CRISPLD2: variants seen among roughly 807,000 people sequenced by gnomAD.
CRISPLD2 encodes the protein cysteine rich secretory protein LCCL domain containing 2.
In CRISPLD2, 47 loss-of-function variants were observed where a neutral mutation model predicts 71.1. The ratio of observed to expected loss-of-function variants is 0.66; its 90% CI spans 0.52 to 0.84. The LOEUF (loss-of-function observed/expected upper bound fraction) is 0.84. Among genes scored for constraint, CRISPLD2 ranks in the 40% least tolerant of loss-of-function variants. CRISPLD2 has a pLI of 0.00. For missense variants in CRISPLD2, 830 were observed against 651.1 expected (o/e 1.27, Z -2.99); for synonymous variants, 317 against 250.1 (o/e 1.27, Z -2.52).
chr16:84,868,717 C>T (rs1027524244), intron 7 of CRISPLD2, 134 bp from the exon 8 acceptor site: 3 of 728,992 alleles, frequency 4.1e-6, no homozygotes, highest in Non-Finnish European at 7.1e-6. Context: ...CTGCAACCAT[C>T]AGGCATTGCC....
At chr16:84,888,596 A>C (rs1281248359) in intron 13 of CRISPLD2, among the ~76,000 whole-genome samples, 1 of 152,212 alleles carries the variant, frequency 6.6e-6, no homozygotes, top group African/African-American at 2.4e-5. Flanking sequence ...TCTACATGGC[A>C]TGAATGGCCC....
intron 10 of CRISPLD2, 28 bp from the exon 11 acceptor site, chr16:84,873,892 C>A: frequency 3.6e-6 from 5 of 1,382,266 alleles, no homozygotes; most frequent in African/African-American, 1.8e-5. Context: ...ACCTAATGCC[C>A]GTTTTTTTTT....
intron 6 of CRISPLD2, among the ~76,000 whole-genome samples, chr16:84,856,909 A>G (rs1214570646): frequency 2.0e-5 from 3 of 152,236 alleles, no homozygotes; most frequent in Non-Finnish European, 4.4e-5. Context: ...TGGATATGGC[A>G]TTCTGTGAGT....
At chr16:84,835,966 A>C (rs1031360690) in intron 1 of CRISPLD2, among the ~76,000 whole-genome samples, 8 of 152,146 alleles carry the variant, frequency 5.3e-5, no homozygotes, top group Non-Finnish European at 1.0e-4. Context: ...GACAATCCAA[A>C]ATCCGAAATG....
At chr16:84,900,280 G>T (rs1185415600) in intron 14 of CRISPLD2, among the ~76,000 whole-genome samples, 1 of 152,066 alleles carries the variant, frequency 6.6e-6, no homozygotes, top group African/African-American at 2.4e-5. Flanking sequence ...ATTCCAAGCG[G>T]CCTGCTCTCG....
chr16:84,845,638 C>G (rs578059739), intron 2 of CRISPLD2, 148 bp from the exon 3 acceptor site: 127 of 644,288 alleles, frequency 2.0e-4, no homozygotes, highest in African/African-American at 1.5e-3. Context: ...GCCACGCCCC[C>G]CTGGCTGATT....
intron 1 of CRISPLD2, among the ~76,000 whole-genome samples, chr16:84,823,702 C>G (rs16938): frequency 2.0e-5 from 3 of 152,066 alleles, no homozygotes; most frequent in African/African-American, 7.3e-5. Context: ...ATGGTCCAGC[C>G]CGAGGGAGAT....
chr16:84,899,803 T>A (rs1304509526), intron 14 of CRISPLD2, among the ~76,000 whole-genome samples: 1 of 152,134 alleles, frequency 6.6e-6, no homozygotes, highest in East Asian at 1.9e-4. Flanking sequence ...CCTTGGTTGT[T>A]TGGGGCCCTG....
At chr16:84,831,620 G>T (rs1363471178) in intron 1 of CRISPLD2, among the ~76,000 whole-genome samples, 2 of 151,482 alleles carry the variant, frequency 1.3e-5, no homozygotes, top group Non-Finnish European at 2.9e-5. Flanking sequence ...TTCCCAGGCT[G>T]GTCTCAAACT....
intron 1 of CRISPLD2, among the ~76,000 whole-genome samples, chr16:84,830,964 C>T (rs1916473652): frequency 6.6e-6 from 1 of 152,216 alleles, no homozygotes; most frequent in Non-Finnish European, 1.5e-5. Flanking sequence ...TTGGCAAACA[C>T]CGCAAGGCAG....
chr16:84,878,611 T>C (rs1567698888), intron 12 of CRISPLD2, among the ~76,000 whole-genome samples: 1 of 152,058 alleles, frequency 6.6e-6, no homozygotes. Flanking sequence ...CCCAAATGAG[T>C]GGTCCACGGA....
rs190661102 is a variant in CRISPLD2, at chr16:84,890,395, A to C, written c.1439+1032A>C. Among the ~76,000 whole-genome samples, 561 of 151,812 alleles carry C rather than the reference A, an allele frequency of 3.7e-3. 5 individuals carry two copies. Among genetic ancestry groups the C allele is most frequent in the African/African-American group, 0.013 (543 of 41,392 alleles). On this transcript the variant is annotated intron_variant, in intron 14 of 14. Coordinates refer to ENST00000262424, the MANE Select transcript of CRISPLD2 (RefSeq NM_031476.4). The stretch of plus-strand genomic sequence containing the variant: ...GAAGTGGCAGTAAGAAGCACTCTGC[A>C]AATGAGGGTTATGTTGATTACTCCG...
chr16:84,849,093 G>A (rs1240771003), intron 3 of CRISPLD2: 2 of 309,158 alleles, frequency 6.5e-6, no homozygotes, highest in African/African-American at 4.2e-5. Flanking sequence ...GACCCCAGGT[G>A]AGCTCCTCAA....
intron 14 of CRISPLD2, among the ~76,000 whole-genome samples, chr16:84,895,107 C>G (rs936171341): frequency 1.4e-5 from 2 of 145,632 alleles, no homozygotes; most frequent in African/African-American, 5.0e-5. Context: ...CAGCTCTGCA[C>G]ACGTTAGCAC....
chr16:84,854,561 C>T (rs539175025), intron 5 of CRISPLD2, among the ~76,000 whole-genome samples, 168 bp from the exon 6 acceptor site: 108 of 152,226 alleles, frequency 7.1e-4, no homozygotes, highest in African/African-American at 2.2e-3. Context: ...TCTCTGTGCA[C>T]GGGAGAGGCC....
In CRISPLD2 at chr16:84,869,054, A is replaced by G. The variant is rs536512352; in HGVS notation, c.914+143A>G. ...GCTCTCAGCAGGCAGAACAGGGGTT[A>G]GGGCTGGGCAGTGTCTGGGCATGTG... is the stretch of plus-strand genomic sequence containing the variant. On this transcript the variant is annotated intron_variant, in intron 8 of 14. Coordinates refer to ENST00000262424, the MANE Select transcript of CRISPLD2 (RefSeq NM_031476.4). The G allele has an allele frequency of 3.8e-5, 26 of 684,048 alleles. No homozygotes were observed. In the East Asian group the frequency reaches 7.9e-4, roughly 21 times the overall value. The allele number at this position is 684,048 out of a possible 1,614,324, so 42.4% of individuals were successfully genotyped here.
intron 4 of CRISPLD2, 98 bp downstream of exon 4, chr16:84,849,615 C>T: frequency 1.6e-6 from 2 of 1,289,302 alleles, no homozygotes; most frequent in Non-Finnish European, 2.2e-6. Flanking sequence ...AGCCTCTGCG[C>T]TGTTGTTGCC....
chr16:84,894,875 C>G (rs551059813), intron 14 of CRISPLD2, among the ~76,000 whole-genome samples: 11 of 151,944 alleles, frequency 7.2e-5, no homozygotes, highest in African/African-American at 2.7e-4. Flanking sequence ...AACTCAGCAC[C>G]GAGAATCTCA....
At chr16:84,889,955 T>A (rs986257099) in intron 14 of CRISPLD2, among the ~76,000 whole-genome samples, 6 of 152,214 alleles carry the variant, frequency 3.9e-5, no homozygotes, top group African/African-American at 1.4e-4. Flanking sequence ...GTAAGCCACC[T>A]GATTTCCTTG....
Sources: gnomAD v4.1 joint callset for allele counts (sites outside exome capture counted in the v4.1 genomes callset) on GRCh38, gnomAD v4.1.1 for gene constraint, MANE v1.5 for transcripts, NCBI Gene and HGNC (gene_info 2026-07-23, HGNC 2026-07-21) for gene names.